MSI2: variants seen among roughly 807,000 people sequenced by gnomAD.
MSI2 encodes RNA-binding protein Musashi homolog 2.
A neutral mutation model predicts 45.6 loss-of-function variants in MSI2; 17 were observed. The ratio of observed to expected loss-of-function variants is 0.37; its 90% CI spans 0.26 to 0.56. The LOEUF is 0.56. Ranked by LOEUF, MSI2 falls within the 20% of genes least tolerant of loss-of-function variation. The probability of loss-of-function intolerance (pLI) is 0.77; values close to 1 mark genes in which losing one functional copy is unlikely to be tolerated. For synonymous variants in MSI2, 156 were observed against 158.2 expected (o/e 0.99, Z 0.11); for missense variants, 293 against 444.2 (o/e 0.66, Z 3.06).
At chr17:57,390,075 C>CAAAAAA (rs55932533) in intron 5 of MSI2, among the ~76,000 whole-genome samples, 1 of 139,318 alleles carries the variant, frequency 7.2e-6, no homozygotes, top group Non-Finnish European at 1.5e-5. Context: ...CTGTCTTTAC[C>CAAAAAA]AAAAAAAAAA....
intron 5 of MSI2, among the ~76,000 whole-genome samples, chr17:57,394,785 C>A (rs936529017): frequency 5.3e-5 from 8 of 152,302 alleles, no homozygotes; most frequent in African/African-American, 1.9e-4. Flanking sequence ...CCTCTTCCCC[C>A]ATAATTGATA....
chr17:57,306,523 A>G (rs563432272), intron 5 of MSI2, among the ~76,000 whole-genome samples: 239 of 152,250 alleles, frequency 1.6e-3, no homozygotes, highest in African/African-American at 5.3e-3. Context: ...GGGTTCTGCA[A>G]CTTGCTCAAA....
At chr17:57,324,239 G>T (rs1262293015) in intron 5 of MSI2, among the ~76,000 whole-genome samples, 2 of 152,194 alleles carry the variant, frequency 1.3e-5, no homozygotes, top group African/African-American at 4.8e-5. Context: ...AGCACAACAT[G>T]GGCTGAGGCA....
intron 6 of MSI2, among the ~76,000 whole-genome samples, chr17:57,410,663 T>C (rs2084179433): frequency 6.9e-6 from 1 of 145,720 alleles, no homozygotes; most frequent in Non-Finnish European, 1.5e-5. Flanking sequence ...TGGTCTGTTA[T>C]AGAAGATGTA....
chr17:57,346,531 T>C (rs915933020), intron 5 of MSI2, among the ~76,000 whole-genome samples: 1 of 152,150 alleles, frequency 6.6e-6, no homozygotes, highest in Non-Finnish European at 1.5e-5. Flanking sequence ...GCTGGGTGAG[T>C]TAAATGCTTT....
chr17:57,272,006 A>G (rs1908420751), intron 5 of MSI2, among the ~76,000 whole-genome samples: 1 of 151,968 alleles, frequency 6.6e-6, no homozygotes, highest in South Asian at 2.1e-4. Flanking sequence ...AGTGTAGCAA[A>G]ATGTGATGCT....
intron 10 of MSI2, among the ~76,000 whole-genome samples, chr17:57,651,698 C>G (rs1347668245): frequency 6.6e-6 from 1 of 152,380 alleles, no homozygotes; most frequent in East Asian, 1.9e-4. Context: ...ACCACTCCGC[C>G]ATGATCTCTG....
At chr17:57,275,754 G>A (rs1908786004) in intron 5 of MSI2, among the ~76,000 whole-genome samples, 1 of 152,118 alleles carries the variant, frequency 6.6e-6, no homozygotes, top group Non-Finnish European at 1.5e-5. Flanking sequence ...AGGAGAGAAG[G>A]GGTGGCCAGG....
At chr17:57,276,859 T>C (rs1351295270) in intron 5 of MSI2, among the ~76,000 whole-genome samples, 1 of 151,950 alleles carries the variant, frequency 6.6e-6, no homozygotes, top group Non-Finnish European at 1.5e-5. Flanking sequence ...GTTTCCTGGC[T>C]CCCAAGTTTT....
chr17:57,289,216 C>T (rs1256600262), intron 5 of MSI2, among the ~76,000 whole-genome samples: 1 of 152,192 alleles, frequency 6.6e-6, no homozygotes, highest in Non-Finnish European at 1.5e-5. Flanking sequence ...TGCTGGTCTT[C>T]CCTTTTGGTT....
chr17:57,359,601 G>A (rs1711599473), intron 5 of MSI2, among the ~76,000 whole-genome samples: 1 of 152,206 alleles, frequency 6.6e-6, no homozygotes, highest in African/African-American at 2.4e-5. Flanking sequence ...CCAGTCATGG[G>A]TAGGGGAATT....
At chr17:57,447,358 C>T (rs934676641) in intron 6 of MSI2, among the ~76,000 whole-genome samples, 1 of 152,242 alleles carries the variant, frequency 6.6e-6, no homozygotes, top group Non-Finnish European at 1.5e-5. Flanking sequence ...CCTGCCTCAG[C>T]CTCCCGAGTA....
At chr17:57,347,565 T>C (rs1438085165) in intron 5 of MSI2, among the ~76,000 whole-genome samples, 2 of 152,198 alleles carry the variant, frequency 1.3e-5, no homozygotes, top group Non-Finnish European at 2.9e-5. Context: ...TCTCTCAGCA[T>C]CATGTATGTT....
At chr17:57,509,179 G>A (rs1480643065) in intron 6 of MSI2, among the ~76,000 whole-genome samples, 1 of 152,172 alleles carries the variant, frequency 6.6e-6, no homozygotes, top group Non-Finnish European at 1.5e-5. Flanking sequence ...ATTTCATGTG[G>A]AAGTCTGAAA....
intron 11 of MSI2, among the ~76,000 whole-genome samples, chr17:57,666,612 G>A (rs1383796490): frequency 1.3e-5 from 2 of 152,222 alleles, no homozygotes; most frequent in African/African-American, 2.4e-5. Flanking sequence ...TGCCTCGTAA[G>A]TCTGTGGTCC....
chr17:57,343,726 A>C (rs1189150008), intron 5 of MSI2, among the ~76,000 whole-genome samples: 1 of 152,158 alleles, frequency 6.6e-6, no homozygotes, highest in Non-Finnish European at 1.5e-5. Flanking sequence ...CAGGTATAAC[A>C]TTTAGGTTTT....
In MSI2 at chr17:57,529,707, C is replaced by T; in HGVS notation, c.437C>T (p.Thr146Ile). 1 of 1,613,262 alleles carries T rather than the reference C, an allele frequency of 6.2e-7. No homozygotes were observed. The highest frequency in any genetic ancestry group is 8.5e-7 in the Non-Finnish European group (1 of 1,179,794). ...GATGCAATGCTGATGTTTGATAAAACTACCAACAGGCACAGAGGTAAGATT... is the reference window on the plus strand; with the variant it reads ...GATGCAATGCTGATGTTTGATAAAATTACCAACAGGCACAGAGGTAAGATT... The part of the protein sequence containing the change: ...VEDAMLMFDK[T>I]TNRHRGFGFV... Residue 146 changes from threonine (T) to isoleucine (I), a missense_variant, in exon 7 of 14, where the codon ACT becomes ATT. Coordinates refer to ENST00000284073, the MANE Select transcript of MSI2 (RefSeq NM_138962.4). The surrounding 1 kb of genome is among the most constrained non-coding windows in gnomAD (Gnocchi z 5.3).
At chr17:57,397,437 G>T (rs2083911078) in intron 5 of MSI2, among the ~76,000 whole-genome samples, 1 of 152,302 alleles carries the variant, frequency 6.6e-6, no homozygotes, top group East Asian at 1.9e-4. Context: ...ATACATGTGT[G>T]TGCACCCTCA....
intron 7 of MSI2, among the ~76,000 whole-genome samples, chr17:57,545,982 G>C (rs2087157497): frequency 6.6e-6 from 1 of 152,098 alleles, no homozygotes; most frequent in East Asian, 1.9e-4. Context: ...GCAGCAGAGG[G>C]GACACTTATC....
Sources: gnomAD v4.1 joint callset for allele counts (sites outside exome capture counted in the v4.1 genomes callset) on GRCh38, gnomAD v4.1.1 for gene constraint, Gnocchi (gnomAD v3.1) non-coding constraint, MANE v1.5 for transcripts, NCBI Gene and HGNC (gene_info 2026-07-23, HGNC 2026-07-21) for gene names.